The following ITGA11 variants were observed in gnomAD, a reference collection of about 807,000 sequenced individuals.
The protein encoded by ITGA11 is integrin alpha-11.
In ITGA11, 97 loss-of-function variants were observed where a neutral mutation model predicts 141.9. The observed-to-expected ratio is 0.68, with a 90% CI of 0.58 to 0.81. The LOEUF is 0.81. ITGA11 is among the 30% of genes least tolerant of loss of function. ITGA11 has a pLI of 0.00. For missense variants in ITGA11, 1,387 were observed against 1,559.2 expected (o/e 0.89, Z 1.86); for synonymous variants, 658 against 624.6 (o/e 1.05, Z -0.80).
chr15:68,405,213 A>G (rs1167853772), intron 1 of ITGA11, among the ~76,000 whole-genome samples: 1 of 116,228 alleles, frequency 8.6e-6, no homozygotes, highest in Non-Finnish European at 1.6e-5. Context: ...AATTTCCATC[A>G]TTAGAGTCAT....
chr15:68,364,845 C>G, intron 3 of ITGA11, 47 bp from the exon 4 acceptor site: 1 of 1,559,500 alleles, frequency 6.4e-7, no homozygotes, highest in Non-Finnish European at 8.8e-7. Context: ...CCTGCCCGCC[C>G]TCTGCCCAGA....
chr15:68,306,627 G>T (rs1401545666), intron 28 of ITGA11, among the ~76,000 whole-genome samples: 6 of 152,206 alleles, frequency 3.9e-5, no homozygotes, highest in Admixed American at 6.5e-5. Context: ...AAACAAAAAA[G>T]CTCCTTAGGT....
intron 1 of ITGA11, among the ~76,000 whole-genome samples, chr15:68,429,084 G>A (rs558459642): frequency 2.6e-5 from 4 of 152,314 alleles, no homozygotes; most frequent in African/African-American, 9.6e-5. Flanking sequence ...TGCTACTGCT[G>A]CTGCTGATGA....
chr15:68,355,705 C>G (rs906684051), intron 7 of ITGA11, among the ~76,000 whole-genome samples: 2 of 152,104 alleles, frequency 1.3e-5, no homozygotes, highest in African/African-American at 4.8e-5. Context: ...CCTCAGCCTC[C>G]CAAACTGCTG....
Position 68,431,198 on chromosome 15 carries a change from C to T in ITGA11, c.52+817G>A, listed in dbSNP as rs1897262129. ...AGGGCGGAGAGCTCAGGGCTGGCTT[C>T]CCGCTCCCAGCCGCGCGCCCCTCGG... On this transcript the variant is annotated intron_variant, in intron 1 of 29. Coordinates refer to ENST00000315757, the MANE Select transcript of ITGA11 (RefSeq NM_001004439.2). Among the ~76,000 whole-genome samples, 3 of 152,248 alleles carry T rather than the reference C, an allele frequency of 2.0e-5. No homozygotes were observed. In the South Asian group the frequency reaches 6.2e-4, roughly 31 times the overall value.
At position 68,313,852 on chromosome 15, in the gene ITGA11, C is replaced by T. The variant is rs1236370069; in HGVS notation, c.2809G>A (p.Asp937Asn). The T allele has an allele frequency of 1.9e-6, 3 of 1,613,800 alleles. No individual in the cohort carries two copies. Among genetic ancestry groups the T allele is most frequent in the Admixed American group, 1.7e-5 (1 of 59,998 alleles). ...GCCACGTTGTCTTCCTTGGTGCTGT[C>T]CCGCTCATTACTGTCACTGCAAGGA... ...LAAGSDSNER[D>N]STKEDNVAPL... The change falls in exon 23 of 30, where the codon GAC (aspartate) becomes AAC (asparagine). Residue 937 changes from aspartate (D) to asparagine (N), a missense_variant. By Grantham distance (23) the Asp-to-Asn change is conservative. Transcript: ENST00000315757.
rs776990015 is a variant in ITGA11 at position 68,328,297 on chromosome 15, AG to A, written c.1902-36del. The A allele has an allele frequency of 2.8e-5, 44 of 1,586,656 alleles. No homozygotes were observed. The highest frequency in any genetic ancestry group is 3.2e-5 in the Non-Finnish European group (37 of 1,162,102). On this transcript the variant is annotated intron_variant, in intron 15 of 29. Transcript: ENST00000315757. The surrounding 1 kb of genome is among the most constrained non-coding windows in gnomAD (Gnocchi z 4.8). ...AAGGGCCAGTGAGCTGGGGTGGGGCAGGGGCTCAGGCTGCCCTGCTGTGACC... is the reference window on the plus strand; with the variant it reads ...AAGGGCCAGTGAGCTGGGGTGGGGCAGGGCTCAGGCTGCCCTGCTGTGACC...
Position 68,308,527 on chromosome 15 carries a change from G to C in ITGA11, c.3175-831C>G, listed in dbSNP as rs1595849662. The stretch of plus-strand genomic sequence containing the variant: ...GAGGCCAAGGCAGGCGGATCACAAG[G>C]TCAGGAGATCGAGACCATCCTGGCT... On this transcript the variant is annotated intron_variant, in intron 26 of 29. Transcript: ENST00000315757. The surrounding 1 kb of genome is among the most constrained non-coding windows in gnomAD (Gnocchi z 5.2). Among the ~76,000 whole-genome samples the C allele has an allele frequency of 6.6e-6, 1 of 152,094 alleles. No homozygotes were observed. Among genetic ancestry groups the C allele is most frequent in the East Asian group, 1.9e-4 (1 of 5,190 alleles).
At position 68,296,775 on chromosome 15, in the gene ITGA11, C is replaced by A. The variant is rs1193877710; in HGVS notation, c.*6284G>T. ...TTATCACAATTTAAAAAAATGGATT[C>A]TGAGTTTTAGATCCTGCTTGTAAGG... On this transcript the variant is annotated 3_prime_UTR_variant, in exon 30 of 30. Transcript: ENST00000315757. 1 of 150,180 alleles carries A rather than the reference C, an allele frequency of 6.7e-6. No homozygotes were observed. The highest frequency in any genetic ancestry group is 6.6e-5 in the Admixed American group (1 of 15,062). The allele number at this position is 150,180 out of a possible 1,614,324, so 9.3% of individuals were successfully genotyped here.
chr15:68,361,233 A>C (rs77804297), intron 5 of ITGA11, among the ~76,000 whole-genome samples: 2,952 of 152,272 alleles, frequency 0.019, 114 homozygotes, highest in African/African-American at 0.067. Flanking sequence ...TCATATGTCT[A>C]AGTGAACAAT....
intron 10 of ITGA11, among the ~76,000 whole-genome samples, chr15:68,345,044 A>C (rs974974527): frequency 6.6e-6 from 1 of 152,076 alleles, no homozygotes; most frequent in Non-Finnish European, 1.5e-5. Flanking sequence ...ACAGAGTCTT[A>C]GAGTCTAGTC....
chr15:68,431,564 A>G (rs907040617), intron 1 of ITGA11, among the ~76,000 whole-genome samples: 20 of 152,066 alleles, frequency 1.3e-4, no homozygotes, highest in Non-Finnish European at 1.0e-4. Context: ...CCAAACTTTG[A>G]GATGCTTCCC....
Position 68,323,175 on chromosome 15 carries a change from G to C in ITGA11, c.2323-1672C>G, listed in dbSNP as rs990316756. 5.9e-5 allele frequency among the ~76,000 whole-genome samples: 9 copies of C among 152,316 alleles called. No individual in the cohort carries two copies. In the East Asian group the frequency reaches 1.7e-3, roughly 29 times the overall value. On this transcript the variant is annotated intron_variant, in intron 18 of 29. Coordinates refer to ENST00000315757, the MANE Select transcript of ITGA11 (RefSeq NM_001004439.2). Reference sequence around the variant, plus strand: ...CTCGCCCCTCAGCTCCCCACCGCAAGGTGGACCTGCCGACTGCAATGGTAG... The same window carrying C: ...CTCGCCCCTCAGCTCCCCACCGCAACGTGGACCTGCCGACTGCAATGGTAG...
chr15:68,393,149 G>C (rs1317413893), intron 2 of ITGA11, among the ~76,000 whole-genome samples: 1 of 152,156 alleles, frequency 6.6e-6, no homozygotes, highest in African/African-American at 2.4e-5. Flanking sequence ...CTGGATTAGT[G>C]ACCCTGAAGA....
intron 1 of ITGA11, among the ~76,000 whole-genome samples, chr15:68,406,170 A>G (rs1278349679): frequency 6.6e-6 from 1 of 152,180 alleles, no homozygotes; most frequent in East Asian, 1.9e-4. Context: ...GCCCTCTATC[A>G]GTGCTTGTTG....
intron 2 of ITGA11, among the ~76,000 whole-genome samples, chr15:68,389,384 C>T (rs929648027): frequency 1.3e-5 from 2 of 152,216 alleles, no homozygotes; most frequent in Admixed American, 6.5e-5. Context: ...ACCACAGCCT[C>T]GCTCTCATGG....
rs552824688 is a variant in ITGA11 at position 68,305,746 on chromosome 15, G to A, written c.3381+1602C>T. 3.2e-4 allele frequency among the ~76,000 whole-genome samples: 48 copies of A among 152,350 alleles called. No individual in the cohort carries two copies. Among genetic ancestry groups the A allele is most frequent in the African/African-American group, 1.2e-3 (48 of 41,580 alleles). ...GGTCTGTCACCATGTTCAGCACACA[G>A]CTGGGGGCCAGCAAATGGCAGGGCC... On this transcript the variant is annotated intron_variant, in intron 28 of 29. Coordinates refer to ENST00000315757, the MANE Select transcript of ITGA11 (RefSeq NM_001004439.2). The surrounding 1 kb of genome is among the most constrained non-coding windows in gnomAD (Gnocchi z 4.6).
chr15:68,402,786 CAG>C (rs1896540867), intron 2 of ITGA11, 130 bp downstream of exon 2: 4 of 623,212 alleles, frequency 6.4e-6, no homozygotes, highest in East Asian at 5.5e-5. Context: ...CCTGCTGGGA[CAG>C]AGTCAAGTCA....
At chr15:68,311,698 T>C (rs902720380) in intron 24 of ITGA11, among the ~76,000 whole-genome samples, 2 of 152,130 alleles carry the variant, frequency 1.3e-5, no homozygotes, top group African/African-American at 4.8e-5. Context: ...CATTTTCAAC[T>C]CTTCTTGCCT....
Sources: allele counts gnomAD v4.1 joint callset (sites outside exome capture counted in the v4.1 genomes callset), GRCh38; gene constraint gnomAD v4.1.1; non-coding constraint Gnocchi (gnomAD v3.1); transcripts MANE v1.5; gene names NCBI Gene and HGNC (gene_info 2026-07-23, HGNC 2026-07-21).